Variants in FOXN3 observed in about 807,000 individuals in gnomAD.
FOXN3 encodes forkhead box protein N3.
FOXN3 carries 7 observed loss-of-function variants against 38.4 expected under a neutral mutation model. The observed-to-expected ratio is 0.18, with a 90% CI of 0.10 to 0.34. The LOEUF is 0.34. Ranked by LOEUF, FOXN3 falls within the 10% of genes least tolerant of loss-of-function variation. FOXN3 has a pLI of 1.00. For synonymous variants in FOXN3, 230 were observed against 242.2 expected (o/e 0.95, Z 0.47); for missense variants, 456 against 613.4 (o/e 0.74, Z 2.71).
At chr14:89,274,840 G>C (rs1886254683) in intron 4 of FOXN3, among the ~76,000 whole-genome samples, 1 of 152,184 alleles carries the variant, frequency 6.6e-6, no homozygotes, top group Non-Finnish European at 1.5e-5. Flanking sequence ...ACATCCAACA[G>C]GCTCTGGGCA....
At chr14:89,417,863 A>G (rs1891796475), upstream of FOXN3, 1 of 424,566 alleles carries the variant, frequency 2.4e-6, no homozygotes, top group Non-Finnish European at 4.8e-6. Context: ...GGCCATTACA[A>G]GACAAGAGGC....
chr14:89,281,507 C>T (rs1886459295), intron 3 of FOXN3, among the ~76,000 whole-genome samples: 1 of 152,154 alleles, frequency 6.6e-6, no homozygotes, highest in African/African-American at 2.4e-5. Flanking sequence ...AATCGATTTC[C>T]TCCTTCCCCC....
chr14:89,173,551 A>T (rs1034360768), intron 5 of FOXN3, among the ~76,000 whole-genome samples: 4 of 152,230 alleles, frequency 2.6e-5, no homozygotes, highest in Admixed American at 2.0e-4. Flanking sequence ...TGTCTTTTTT[A>T]AAAAAATGAT....
Position 89,348,047 on chromosome 14 carries a change from C to G in FOXN3, c.680+2625G>C, listed in dbSNP as rs146312533. 2.4e-3 allele frequency among the ~76,000 whole-genome samples: 361 copies of G among 152,270 alleles called. 2 individuals are homozygous for G. The highest frequency in any genetic ancestry group is 3.6e-3 in the Non-Finnish European group (244 of 68,030). ...GTGAGCAAGGTCTGGGCAGTGCTCT[C>G]AAATGTCTCGCTTTTCCCGCAGCAT... On this transcript the variant is annotated intron_variant, in intron 3 of 5. Transcript: ENST00000557258.
chr14:89,540,007 G>C (rs1455853230), intron 1 of FOXN3, among the ~76,000 whole-genome samples: 1 of 152,180 alleles, frequency 6.6e-6, no homozygotes, highest in Non-Finnish European at 1.5e-5. Flanking sequence ...GCCCTCGGCT[G>C]TTTCTACTTT....
rs534861660 is a variant in FOXN3 at position 89,342,812 on chromosome 14, C to CT, written c.680+7859dup. ...GCAAAAAGTGCTGTTTAAACATAAT[C>CT]TTTCAAAATGCATAATGCCTCACGC... is the stretch of plus-strand genomic sequence containing the variant. On this transcript the variant is annotated intron_variant, in intron 3 of 5. Coordinates refer to ENST00000557258, the MANE Select transcript of FOXN3 (RefSeq NM_005197.4). 1.1e-3 allele frequency among the ~76,000 whole-genome samples: 164 copies of CT among 152,254 alleles called. 1 individual carries two copies. Among genetic ancestry groups the CT allele is most frequent in the African/African-American group, 3.9e-3 (161 of 41,548 alleles).
chr14:89,297,072 T>C (rs1168504893), intron 3 of FOXN3, among the ~76,000 whole-genome samples: 2 of 152,182 alleles, frequency 1.3e-5, no homozygotes, highest in African/African-American at 4.8e-5. Context: ...TATTAAGCAA[T>C]ACTTTTCAAA....
At chr14:89,220,282 A>C (rs949924873) in intron 4 of FOXN3, among the ~76,000 whole-genome samples, 2 of 152,184 alleles carry the variant, frequency 1.3e-5, no homozygotes, top group African/African-American at 4.8e-5. Context: ...CGGCTCCAGT[A>C]CTTACCAGCA....
chr14:89,452,514 A>T (rs577729287), intron 1 of FOXN3, among the ~76,000 whole-genome samples: 18 of 152,308 alleles, frequency 1.2e-4, no homozygotes, highest in Non-Finnish European at 2.4e-4. Context: ...CTGCGAGGCC[A>T]TCTGGGTTAG....
At chr14:89,169,224 T>C (rs1422295280) in intron 5 of FOXN3, among the ~76,000 whole-genome samples, 2 of 152,138 alleles carry the variant, frequency 1.3e-5, no homozygotes, top group Non-Finnish European at 2.9e-5. Context: ...GTGAATCTCT[T>C]GAGCCCAGGA....
At chr14:89,546,879 G>A (rs1596313716) in intron 1 of FOXN3, among the ~76,000 whole-genome samples, 1 of 151,984 alleles carries the variant, frequency 6.6e-6, no homozygotes, top group Admixed American at 6.6e-5. Context: ...CGCCTCCCAG[G>A]TTCAGGCAAT....
At position 89,427,340 on chromosome 14, in the gene FOXN3, C is replaced by G. The variant is rs372629469; in HGVS notation, c.-14-14850G>C. On this transcript the variant is annotated intron_variant, in intron 1 of 6. Coordinates refer to the FOXN3 transcript ENST00000345097. ...TTTTTTTTTGAGATGGAGTCTTGCT[C>G]TGTTGCCCAGACTAGAGTGCAGTGG... Among the ~76,000 whole-genome samples the G allele has an allele frequency of 1.9e-4, 20 of 105,438 alleles. No homozygotes were observed. In the East Asian group the frequency reaches 2.2e-3, roughly 12 times the overall value. 69.2% of individuals were successfully genotyped at this position (105,438 alleles called of 152,430 possible). A position where few individuals can be genotyped will look rare whatever the true frequency, so the allele number is the denominator to read the frequency against.
At chr14:89,343,627 G>GTTTT (rs34453491) in intron 3 of FOXN3, among the ~76,000 whole-genome samples, 14 of 140,636 alleles carry the variant, frequency 1.0e-4, no homozygotes, top group Non-Finnish European at 1.4e-4. Flanking sequence ...AATGTGTGTG[G>GTTTT]TTTTTTTTTT....
chr14:89,270,496 G>A (rs1357186343), intron 4 of FOXN3, among the ~76,000 whole-genome samples: 1 of 152,200 alleles, frequency 6.6e-6, no homozygotes, highest in Non-Finnish European at 1.5e-5. Flanking sequence ...ATCCCATGAA[G>A]TAAGTACTAC....
At chr14:89,280,679 A>T (rs1461194317) in intron 4 of FOXN3, among the ~76,000 whole-genome samples, 1 of 152,110 alleles carries the variant, frequency 6.6e-6, no homozygotes, top group African/African-American at 2.4e-5. Flanking sequence ...CAAGCCGAAC[A>T]CTTCCAGAAT....
At chr14:89,331,525 T>G (rs1486740625) in intron 3 of FOXN3, among the ~76,000 whole-genome samples, 1 of 152,174 alleles carries the variant, frequency 6.6e-6, no homozygotes, top group Non-Finnish European at 1.5e-5. Flanking sequence ...GCAAAAGCAG[T>G]GGTGAAGGGG....
At chr14:89,193,805 T>C (rs1408109355) in intron 4 of FOXN3, among the ~76,000 whole-genome samples, 1 of 152,244 alleles carries the variant, frequency 6.6e-6, no homozygotes, top group Non-Finnish European at 1.5e-5. Flanking sequence ...AAAGAGGGTG[T>C]ACCACGTAGG....
intron 1 of FOXN3, among the ~76,000 whole-genome samples, chr14:89,433,017 C>T (rs1566654556): frequency 1.3e-5 from 2 of 152,168 alleles, no homozygotes; most frequent in South Asian, 2.1e-4. Flanking sequence ...TAATCATAGT[C>T]ACCCTTTCTA....
intron 1 of FOXN3, among the ~76,000 whole-genome samples, chr14:89,468,920 C>G (rs966643466): frequency 1.3e-5 from 2 of 152,172 alleles, no homozygotes; most frequent in Non-Finnish European, 1.5e-5. Flanking sequence ...TGAGAGACGT[C>G]GCCAGATGCC....
Sources: gnomAD v4.1 joint callset for allele counts (sites outside exome capture counted in the v4.1 genomes callset) on GRCh38, gnomAD v4.1.1 for gene constraint, MANE v1.5 for transcripts, NCBI Gene and HGNC (gene_info 2026-07-23, HGNC 2026-07-21) for gene names.